Variants in SCUBE2 observed in about 807,000 individuals in gnomAD.
SCUBE2 encodes signal peptide, CUB and EGF-like domain-containing protein 2.
SCUBE2 carries 114 observed loss-of-function variants against 125.9 expected under a neutral mutation model. That is an observed-to-expected ratio of 0.91 (90% CI 0.78 to 1.06). SCUBE2 has a LOEUF of 1.06. Among genes scored for constraint, SCUBE2 ranks in the 50% least tolerant of loss-of-function variants. The pLI, the probability that SCUBE2 is intolerant of heterozygous loss-of-function variation, is 0.00. For missense variants in SCUBE2, 1,255 were observed against 1,301.8 expected, an observed-to-expected ratio of 0.96 and a Z score of 0.55; for synonymous variants, 459 against 492.9, an observed-to-expected ratio of 0.93 and a Z score of 0.91.
In SCUBE2 at chr11:9,059,428, G is replaced by T. The variant is rs1292320310; in HGVS notation, c.968-3C>A. Reference sequence around the variant, plus strand: ...GCGGGTCTGGCACTCATCAATATCTGCAACAGGAAAGCATTGGGCATATCA... The same window carrying T: ...GCGGGTCTGGCACTCATCAATATCTTCAACAGGAAAGCATTGGGCATATCA... On this transcript the variant is annotated splice_polypyrimidine_tract_variant and splice_region_variant and intron_variant, in intron 8 of 22. Coordinates refer to ENST00000649792, the MANE Select transcript of SCUBE2 (RefSeq NM_001367977.2). 1.2e-6 allele frequency: 2 copies of T among 1,613,646 alleles called. No individual in the cohort carries two copies. Among genetic ancestry groups the T allele is most frequent in the Admixed American group, 3.3e-5 (2 of 60,018 alleles).
At chr11:9,083,707 A>C (rs1223995047) in intron 2 of SCUBE2, among the ~76,000 whole-genome samples, 1 of 151,912 alleles carries the variant, frequency 6.6e-6, no homozygotes, top group Non-Finnish European at 1.5e-5. Context: ...GGCGTGCTGT[A>C]ATTTTTGTAC....
At position 9,069,394 on chromosome 11, in the gene SCUBE2, C is replaced by A; in HGVS notation, c.619G>T (p.Ala207Ser). 6.2e-7 allele frequency: 1 copy of A among 1,614,222 alleles called. No homozygotes were observed. The highest frequency in any genetic ancestry group is 8.5e-7 in the Non-Finnish European group (1 of 1,180,036). ...CAGATGCAGTCTCTCTGGTTCTTGG[C>A]CAGCTCAAAACCAGGCCTGCACTCA... ...ACECRPGFEL[A>S]KNQRDCILTC... Residue 207 changes from alanine (A) to serine (S), a missense_variant, in exon 5 of 23, where the codon GCC (alanine) becomes TCC (serine). By Grantham distance (99) the Ala-to-Ser change is moderately conservative (BLOSUM62 1). This residue lies in a region of SCUBE2 where 362 missense variants were observed against 323.0 expected (regional missense o/e 1.12). Coordinates refer to ENST00000649792, the MANE Select transcript of SCUBE2 (RefSeq NM_001367977.2).
chr11:9,024,191 G>C, intron 21 of SCUBE2: 3 of 1,060,986 alleles, frequency 2.8e-6, no homozygotes, highest in Non-Finnish European at 3.4e-6. Flanking sequence ...ACATTTTCAT[G>C]TGTCACAAAG....
chr11:9,054,721 ATATATTTTTTT>A (rs1330540526), intron 10 of SCUBE2, among the ~76,000 whole-genome samples: 2 of 52,004 alleles, frequency 3.8e-5, no homozygotes, highest in African/African-American at 1.9e-4. Context: ...ATATATATAT[ATATATTTTTTT>A]TTTTTTTTTT....
chr11:9,030,171 A>G, intron 18 of SCUBE2, 126 bp from the exon 19 acceptor site: 2 of 1,059,774 alleles, frequency 1.9e-6, no homozygotes, highest in Admixed American at 5.1e-5. Context: ...CTTTCCTACC[A>G]ATCTGGGGCT....
At chr11:9,040,731 T>TA (rs1857163687) in intron 16 of SCUBE2, among the ~76,000 whole-genome samples, 1 of 144,332 alleles carries the variant, frequency 6.9e-6, no homozygotes, top group Admixed American at 6.9e-5. Context: ...GGGGAGGGTA[T>TA]ACACCGTGGG....
chr11:9,073,395 T>C lies in SCUBE2; in HGVS notation c.517+1086A>G, dbSNP rs548528642. On this transcript the variant is annotated intron_variant, in intron 4 of 22. Coordinates refer to ENST00000649792, the MANE Select transcript of SCUBE2 (RefSeq NM_001367977.2). ...TGGGTGATGATAGCCATCAAACCCA[T>C]TGGCCCCTGGGGGTTCCTCTGACAA... Among the ~76,000 whole-genome samples the C allele has an allele frequency of 3.3e-5, 5 of 152,300 alleles. No individual in the cohort carries two copies. In the East Asian group the frequency reaches 7.7e-4, roughly 23 times the overall value.
At chr11:9,076,882 C>T (rs185145444) in intron 3 of SCUBE2, among the ~76,000 whole-genome samples, 418 of 152,248 alleles carry the variant, frequency 2.7e-3, no homozygotes, top group Non-Finnish European at 4.2e-3. Context: ...GAGGATGAGC[C>T]GTGCTGGAAC....
chr11:9,070,575 T>TC (rs1167522682), intron 4 of SCUBE2, among the ~76,000 whole-genome samples: 3 of 152,336 alleles, frequency 2.0e-5, no homozygotes, highest in South Asian at 4.1e-4. Context: ...TGGCTCTCTA[T>TC]CAATGAGACA....
intron 3 of SCUBE2, among the ~76,000 whole-genome samples, chr11:9,075,722 G>A (rs369042127): frequency 3.3e-5 from 5 of 152,246 alleles, no homozygotes; most frequent in African/African-American, 9.6e-5. Flanking sequence ...CAGTCTGGGA[G>A]TCCAGCTTCA....
At chr11:9,063,465 A>C (rs1859883477) in intron 7 of SCUBE2, among the ~76,000 whole-genome samples, 1 of 152,220 alleles carries the variant, frequency 6.6e-6, no homozygotes, top group Non-Finnish European at 1.5e-5. Flanking sequence ...AAGGATCAAG[A>C]ATAAAAATGA....
intron 3 of SCUBE2, among the ~76,000 whole-genome samples, chr11:9,078,912 A>G (rs1308419594): frequency 6.6e-6 from 1 of 152,228 alleles, no homozygotes; most frequent in Non-Finnish European, 1.5e-5. Context: ...GTTTTGTGGA[A>G]TACTAGGAAG....
chr11:9,061,359 C>G (rs1342007250), intron 7 of SCUBE2, among the ~76,000 whole-genome samples: 1 of 151,976 alleles, frequency 6.6e-6, no homozygotes, highest in African/African-American at 2.4e-5. Context: ...GGGTTCAAGA[C>G]CAGCCTGGGC....
rs554807819 is a variant in SCUBE2, at chr11:9,046,183, T to A, written c.2002+1173A>T. On this transcript the variant is annotated intron_variant, in intron 16 of 22. Transcript: ENST00000649792. ...CACCACGCCCAGCTAATTTTTTGTATTTTTTTAGTAGAGGCGGGGTTTCAC... is the reference window on the plus strand; with the variant it reads ...CACCACGCCCAGCTAATTTTTTGTAATTTTTTAGTAGAGGCGGGGTTTCAC... 4.7e-3 allele frequency among the ~76,000 whole-genome samples: 710 copies of A among 151,622 alleles called. 10 individuals carry two copies. Among genetic ancestry groups the A allele is most frequent in the Admixed American group, 4.8e-3 (73 of 15,226 alleles).
chr11:9,043,572 A>G (rs1326956753), intron 16 of SCUBE2, among the ~76,000 whole-genome samples: 2 of 151,970 alleles, frequency 1.3e-5, no homozygotes, highest in Non-Finnish European at 2.9e-5. Context: ...AAACTTTACT[A>G]TATAAAATAA....
At position 9,069,717 on chromosome 11, in the gene SCUBE2, C is replaced by T. The variant is rs1464469465; in HGVS notation, c.518-222G>A. 4.6e-5 allele frequency among the ~76,000 whole-genome samples: 7 copies of T among 152,208 alleles called. No homozygotes were observed. In the East Asian group the frequency reaches 5.8e-4, roughly 13 times the overall value. Reference sequence around the variant, plus strand: ...AGATATGATGTCTCAACTCTCCTAACGAGTTGGGAGCCTTCCCAATACACT... The same window carrying T: ...AGATATGATGTCTCAACTCTCCTAATGAGTTGGGAGCCTTCCCAATACACT... On this transcript the variant is annotated intron_variant, in intron 4 of 22. Coordinates refer to ENST00000649792, the MANE Select transcript of SCUBE2 (RefSeq NM_001367977.2).
intron 13 of SCUBE2, 119 bp from the exon 14 acceptor site, chr11:9,050,829 C>T: frequency 2.6e-6 from 2 of 760,312 alleles, no homozygotes; most frequent in Non-Finnish European, 4.6e-6. Flanking sequence ...CCCTGAGACC[C>T]TCTCCTACCC....
Position 9,081,852 on chromosome 11 carries a change from G to A in SCUBE2, c.257-2343C>T, listed in dbSNP as rs117924388. On this transcript the variant is annotated intron_variant, in intron 2 of 22. Coordinates refer to ENST00000649792, the MANE Select transcript of SCUBE2 (RefSeq NM_001367977.2). The stretch of plus-strand genomic sequence containing the variant: ...CACTCTTTTGGGTATACACCCAGAA[G>A]TGGAATTGCTGGGTCCTATGGTAAT... Among the ~76,000 whole-genome samples, 69 of 152,304 alleles carry A rather than the reference G, an allele frequency of 4.5e-4. 2 individuals are homozygous for A. In the East Asian group the frequency reaches 0.013, roughly 28 times the overall value.
intron 2 of SCUBE2, among the ~76,000 whole-genome samples, chr11:9,080,926 C>A (rs561478318): frequency 3.4e-4 from 52 of 151,976 alleles, no homozygotes; most frequent in African/African-American, 1.2e-3. Context: ...TTAAAATGGG[C>A]GAAATATTCG....
Sources: gnomAD v4.1 joint callset for allele counts (sites outside exome capture counted in the v4.1 genomes callset) on GRCh38, gnomAD v4.1.1 for gene constraint, gnomAD v4.1.1 regional missense constraint, MANE v1.5 for transcripts, NCBI Gene and HGNC (gene_info 2026-07-23, HGNC 2026-07-21) for gene names.